The following DCC variants were observed in gnomAD, a reference collection of about 807,000 sequenced individuals.
The protein encoded by DCC is DCC netrin 1 receptor.
In DCC, 58 loss-of-function variants were observed where a neutral mutation model predicts 172.5. That is an observed-to-expected ratio of 0.34 (90% CI 0.27 to 0.42). DCC has a LOEUF of 0.42. DCC is among the 10% of genes least tolerant of loss of function. The pLI is 1.00. For synonymous variants in DCC, 709 were observed against 644.5 expected (o/e 1.10, Z -1.52); for missense variants, 1,740 against 1,791.0 (o/e 0.97, Z 0.51).
intron 1 of DCC, among the ~76,000 whole-genome samples, chr18:52,615,828 C>T (rs1276407984): frequency 6.6e-6 from 1 of 151,984 alleles, no homozygotes; most frequent in African/African-American, 2.4e-5. Flanking sequence ...TAGGGAGAAG[C>T]TTAGAAAAAG....
intron 5 of DCC, among the ~76,000 whole-genome samples, chr18:53,047,087 C>T (rs1290243955): frequency 6.7e-6 from 1 of 150,240 alleles, no homozygotes; most frequent in Non-Finnish European, 1.5e-5. Flanking sequence ...TTTTCAAGCC[C>T]CAGTGGACAA....
chr18:53,490,147 C>G (rs925799007), intron 26 of DCC, among the ~76,000 whole-genome samples: 1 of 152,054 alleles, frequency 6.6e-6, no homozygotes, highest in Non-Finnish European at 1.5e-5. Flanking sequence ...AATGGGAAAT[C>G]AACTAATAAA....
At chr18:53,084,573 T>A (rs2042852627) in intron 7 of DCC, among the ~76,000 whole-genome samples, 1 of 152,188 alleles carries the variant, frequency 6.6e-6, no homozygotes, top group South Asian at 2.1e-4. Context: ...TGCCAGATCT[T>A]CTGTTTCAGC....
chr18:52,363,204 T>C (rs934843106), intron 1 of DCC, among the ~76,000 whole-genome samples: 8 of 152,198 alleles, frequency 5.3e-5, no homozygotes, highest in Non-Finnish European at 1.2e-4. Context: ...GGATAAACTT[T>C]GTTGGTTTAC....
intron 8 of DCC, among the ~76,000 whole-genome samples, chr18:53,162,735 C>A (rs1482451205): frequency 6.6e-6 from 1 of 152,190 alleles, no homozygotes; most frequent in Non-Finnish European, 1.5e-5. Flanking sequence ...CTCATGGAAG[C>A]CTTTCTTGAT....
At chr18:53,306,277 A>T (rs1008025636) in intron 13 of DCC, among the ~76,000 whole-genome samples, 14 of 152,190 alleles carry the variant, frequency 9.2e-5, no homozygotes, top group Admixed American at 3.9e-4. Context: ...ATATTTTTTT[A>T]AATTTTATAA....
chr18:53,118,397 T>C (rs2043437192), intron 7 of DCC, among the ~76,000 whole-genome samples: 1 of 151,826 alleles, frequency 6.6e-6, no homozygotes, highest in Non-Finnish European at 1.5e-5. Flanking sequence ...ATGTCACGCA[T>C]AAAGAAACCT....
chr18:53,502,706 G>GTAAT (rs1051382961), intron 27 of DCC, among the ~76,000 whole-genome samples: 54 of 152,108 alleles, frequency 3.6e-4, no homozygotes, highest in Non-Finnish European at 5.9e-5. Context: ...CTTACCGCAA[G>GTAAT]TAATTACTTT....
intron 7 of DCC, among the ~76,000 whole-genome samples, chr18:53,130,650 C>T (rs1342781015): frequency 6.6e-6 from 1 of 152,062 alleles, no homozygotes; most frequent in Non-Finnish European, 1.5e-5. Flanking sequence ...GTCTTGTTTT[C>T]AACCCCTGAC....
intron 2 of DCC, among the ~76,000 whole-genome samples, chr18:52,841,823 C>T (rs956913688): frequency 7.9e-5 from 12 of 152,142 alleles, no homozygotes; most frequent in African/African-American, 2.2e-4. Flanking sequence ...CATCCATCTT[C>T]TTTCATCCCC....
chr18:52,537,498 G>T (rs1168966526), intron 1 of DCC, among the ~76,000 whole-genome samples: 1 of 152,124 alleles, frequency 6.6e-6, no homozygotes, highest in Non-Finnish European at 1.5e-5. Flanking sequence ...CACATAGTTA[G>T]CTGAAATCCT....
intron 21 of DCC, among the ~76,000 whole-genome samples, chr18:53,420,181 T>G (rs983258050): frequency 6.6e-6 from 1 of 152,174 alleles, no homozygotes; most frequent in African/African-American, 2.4e-5. Context: ...AACCATCAAC[T>G]GCATGACAAC....
At chr18:53,435,441 G>A (rs1361847762) in intron 22 of DCC, among the ~76,000 whole-genome samples, 1 of 152,108 alleles carries the variant, frequency 6.6e-6, no homozygotes, top group Non-Finnish European at 1.5e-5. Context: ...TGACAGGTAT[G>A]TAAAAAAGGA....
At chr18:53,379,395 A>G (rs1306464380) in intron 15 of DCC, among the ~76,000 whole-genome samples, 1 of 152,252 alleles carries the variant, frequency 6.6e-6, no homozygotes, top group Non-Finnish European at 1.5e-5. Flanking sequence ...CATTTAATTC[A>G]CACAAAATAT....
At chr18:52,807,065 C>T (rs1256660957) in intron 2 of DCC, among the ~76,000 whole-genome samples, 7 of 152,078 alleles carry the variant, frequency 4.6e-5, no homozygotes, top group South Asian at 2.1e-4. Context: ...CTTGGTGGCG[C>T]GTGCCTGTAG....
At chr18:53,495,719 T>A (rs931114275) in intron 26 of DCC, among the ~76,000 whole-genome samples, 1 of 152,190 alleles carries the variant, frequency 6.6e-6, no homozygotes, top group Admixed American at 6.5e-5. Context: ...GTCTTCCAAC[T>A]TGGTTCCATT....
At chr18:52,932,352 C>A (rs1015448736) in intron 5 of DCC, among the ~76,000 whole-genome samples, 2 of 152,100 alleles carry the variant, frequency 1.3e-5, no homozygotes, top group African/African-American at 4.8e-5. Context: ...TAGAGATTTG[C>A]CACTGCTTTG....
chr18:52,941,206 T>C (rs1319887554), intron 5 of DCC: 2 of 152,172 alleles, frequency 1.3e-5, no homozygotes, highest in East Asian at 3.9e-4. Flanking sequence ...GTCTTTTTAA[T>C]ATAGCCTATA....
chr18:53,091,218 A>G (rs1016294717), intron 7 of DCC, among the ~76,000 whole-genome samples: 1 of 151,896 alleles, frequency 6.6e-6, no homozygotes, highest in African/African-American at 2.4e-5. Flanking sequence ...TAGGCATTAT[A>G]GATCCAAGCA....
Sources: gnomAD v4.1 joint callset for allele counts (sites outside exome capture counted in the v4.1 genomes callset) on GRCh38, gnomAD v4.1.1 for gene constraint, MANE v1.5 for transcripts, NCBI Gene and HGNC (gene_info 2026-07-23, HGNC 2026-07-21) for gene names.